KIF1B: variants seen among roughly 807,000 people sequenced by gnomAD.
KIF1B encodes kinesin-like protein KIF1B.
In KIF1B, 76 loss-of-function variants were observed where a neutral mutation model predicts 241.9. That is an observed-to-expected ratio of 0.31 (90% CI 0.26 to 0.38). The LOEUF (loss-of-function observed/expected upper bound fraction) is 0.38, where lower values mean the gene tolerates loss of function less well. Ranked by LOEUF, KIF1B falls within the 10% of genes least tolerant of loss-of-function variation. The probability of loss-of-function intolerance (pLI) is 1.00; values close to 1 mark genes in which losing one functional copy is unlikely to be tolerated. For synonymous variants in KIF1B, 750 were observed against 796.7 expected (o/e 0.94, Z 0.99); for missense variants, 1,622 against 2,271.4 (o/e 0.71, Z 5.81).
At chr1:10,336,319 T>A (rs188868186) in intron 28 of KIF1B, among the ~76,000 whole-genome samples, 397 of 152,308 alleles carry the variant, frequency 2.6e-3, no homozygotes, top group African/African-American at 8.8e-3. Context: ...CGGCTAATTT[T>A]TGTATTTTTA....
intron 40 of KIF1B, among the ~76,000 whole-genome samples, chr1:10,362,677 T>G (rs1421195206): frequency 6.6e-6 from 1 of 152,154 alleles, no homozygotes; most frequent in Non-Finnish European, 1.5e-5. Flanking sequence ...TCGTCTCTCT[T>G]ATAGTAAGAA....
chr1:10,220,397 TGATAGATAGATAGATA>T (rs5772398), intron 1 of KIF1B, among the ~76,000 whole-genome samples: 7 of 144,288 alleles, frequency 4.9e-5, no homozygotes, highest in East Asian at 4.2e-4. Flanking sequence ...GATAGATAGA[TGATAGATAGATAGATA>T]GATAGATAGA....
At position 10,328,349 on chromosome 1, in the gene KIF1B, A is replaced by G. The variant is rs1651799098; in HGVS notation, c.2924+1990A>G. ...AAAGCCTCAAGTGTAACTGTAGGTC[A>G]TAGTATTAGACAGTCTCTGGGTTTT... On this transcript the variant is annotated intron_variant, in intron 27 of 48. Transcript: ENST00000676179. Among the ~76,000 whole-genome samples the G allele has an allele frequency of 3.3e-5, 5 of 152,356 alleles. No individual in the cohort carries two copies. In the South Asian group the frequency reaches 1.0e-3, roughly 32 times the overall value.
chr1:10,251,709 G>A (rs1647457840), intron 2 of KIF1B, among the ~76,000 whole-genome samples: 1 of 151,664 alleles, frequency 6.6e-6, no homozygotes, highest in African/African-American at 2.4e-5. Context: ...ACTCCAGCCT[G>A]GGCAACAAGA....
At chr1:10,295,625 G>C (rs775488594) in intron 18 of KIF1B, 35 bp from the exon 19 acceptor site, 1 of 1,585,286 alleles carries the variant, frequency 6.3e-7, no homozygotes, top group East Asian at 2.2e-5. Flanking sequence ...TTCTGTGTCT[G>C]AATTTCCCTG....
At chr1:10,264,731 G>A (rs1350480423) in intron 5 of KIF1B, among the ~76,000 whole-genome samples, 1 of 150,978 alleles carries the variant, frequency 6.6e-6, no homozygotes, top group Non-Finnish European at 1.5e-5. Context: ...GCGCGGTCTC[G>A]GCTCACTTCA....
At chr1:10,367,387 C>T (rs919208926) in intron 43 of KIF1B, among the ~76,000 whole-genome samples, 5 of 151,818 alleles carry the variant, frequency 3.3e-5, no homozygotes, top group Non-Finnish European at 7.4e-5. Flanking sequence ...TGTGGACGCC[C>T]AGCCAGATAA....
chr1:10,324,998 TG>T, intron 26 of KIF1B, 103 bp downstream of exon 26: 1 of 1,313,858 alleles, frequency 7.6e-7, no homozygotes, highest in Non-Finnish European at 1.1e-6. Flanking sequence ...AAAAAAAAGG[TG>T]TAAAAAGGCC....
intron 44 of KIF1B, among the ~76,000 whole-genome samples, chr1:10,370,788 T>C (rs1488361403): frequency 6.6e-6 from 1 of 151,558 alleles, no homozygotes; most frequent in Non-Finnish European, 1.5e-5. Context: ...TGTAGGCTTG[T>C]TTTTTTTCTT....
At chr1:10,256,216 A>G in intron 2 of KIF1B, 31 bp from the exon 3 acceptor site, 1 of 1,342,754 alleles carries the variant, frequency 7.4e-7, no homozygotes, top group East Asian at 2.3e-5. Context: ...TAATTGAGTG[A>G]CTTATAAAAT....
At chr1:10,293,057 G>A (rs1346113997) in intron 17 of KIF1B, among the ~76,000 whole-genome samples, 1 of 149,740 alleles carries the variant, frequency 6.7e-6, no homozygotes, top group Non-Finnish European at 1.5e-5. Flanking sequence ...CAATTCTTCT[G>A]GTCAGGTTTT....
intron 31 of KIF1B, 148 bp from the exon 32 acceptor site, chr1:10,339,621 A>G (rs1201379817): frequency 2.1e-5 from 15 of 719,028 alleles, no homozygotes; most frequent in Non-Finnish European, 2.4e-6. Flanking sequence ...CAATATGGAA[A>G]AGGTTCTTGA....
In KIF1B at chr1:10,380,002, T is replaced by G. The variant is rs1336468151; in HGVS notation, c.*3415T>G. ...TAAGAAACCACTATTATATATTTTT[T>G]CCCTTCAGTCACATAGACTTCAGAC... On this transcript the variant is annotated 3_prime_UTR_variant, in exon 49 of 49. Coordinates refer to ENST00000676179, the MANE Select transcript of KIF1B (RefSeq NM_001365951.3). The G allele has an allele frequency of 4.4e-6, 1 of 229,462 alleles. No individual in the cohort carries two copies. Among genetic ancestry groups the G allele is most frequent in the African/African-American group, 2.2e-5 (1 of 45,088 alleles). The allele number at this position is 229,462 out of a possible 1,614,324, so 14.2% of individuals were successfully genotyped here. A position where few individuals can be genotyped will look rare whatever the true frequency, so the allele number is the denominator to read the frequency against.
chr1:10,233,623 CAAAG>C (rs1399797864), intron 2 of KIF1B, among the ~76,000 whole-genome samples: 1 of 151,092 alleles, frequency 6.6e-6, no homozygotes, highest in Middle Eastern at 3.4e-3. Context: ...GAAAAATTGT[CAAAG>C]AAAAAGAGAT....
intron 38 of KIF1B, among the ~76,000 whole-genome samples, chr1:10,357,990 CAA>C (rs1638303493): frequency 6.6e-6 from 1 of 150,532 alleles, no homozygotes; most frequent in Non-Finnish European, 1.5e-5. Flanking sequence ...GCCTGGGTGA[CAA>C]GAGTGAGACT....
At chr1:10,221,611 G>A (rs753672475) in intron 1 of KIF1B, among the ~76,000 whole-genome samples, 3 of 152,090 alleles carry the variant, frequency 2.0e-5, no homozygotes, top group African/African-American at 7.2e-5. Flanking sequence ...GAAAGTATTG[G>A]ACTGAGAGAT....
chr1:10,261,475 C>T (rs747092566), intron 4 of KIF1B, among the ~76,000 whole-genome samples: 24 of 152,192 alleles, frequency 1.6e-4, no homozygotes, highest in Non-Finnish European at 2.9e-4. Flanking sequence ...ATCTCCTGAC[C>T]TTGTGATCTG....
chr1:10,244,810 C>T (rs531222643), intron 2 of KIF1B, among the ~76,000 whole-genome samples: 3 of 150,208 alleles, frequency 2.0e-5, no homozygotes, highest in South Asian at 4.2e-4. Context: ...GACGGGGTTT[C>T]ACTGTTTTAG....
rs77265172 is a variant in KIF1B at position 10,286,799 on chromosome 1, G to A, written c.1434+4266G>A. ...ATGACACCTGAGCCTGGCATTCCTCGGAGCTTAAAGAAGAGTTCCTGGTGT... is the reference window on the plus strand; with the variant it reads ...ATGACACCTGAGCCTGGCATTCCTCAGAGCTTAAAGAAGAGTTCCTGGTGT... On this transcript the variant is annotated intron_variant, in intron 15 of 48. Coordinates refer to ENST00000676179, the MANE Select transcript of KIF1B (RefSeq NM_001365951.3). 1.5e-3 allele frequency among the ~76,000 whole-genome samples: 228 copies of A among 152,170 alleles called. 1 individual carries two copies. Among genetic ancestry groups the A allele is most frequent in the Non-Finnish European group, 2.4e-3 (165 of 68,002 alleles).
Sources: allele counts gnomAD v4.1 joint callset (sites outside exome capture counted in the v4.1 genomes callset), GRCh38; gene constraint gnomAD v4.1.1; transcripts MANE v1.5; gene names NCBI Gene and HGNC (gene_info 2026-07-23, HGNC 2026-07-21).